Variants in CCDC47 observed in about 807,000 individuals in gnomAD.
The protein encoded by CCDC47 is coiled-coil domain containing 47.
CCDC47 carries 41 observed loss-of-function variants against 60.5 expected under a neutral mutation model. That is an observed-to-expected ratio of 0.68 (90% CI 0.53 to 0.88). CCDC47 has a LOEUF of 0.88. Among genes scored for constraint, CCDC47 ranks in the 40% least tolerant of loss-of-function variants. The pLI is 0.00. For synonymous variants in CCDC47, 195 were observed against 190.7 expected, an observed-to-expected ratio of 1.02 and a Z score of -0.18; for missense variants, 513 against 580.9, an observed-to-expected ratio of 0.88 and a Z score of 1.20.
intron 1 of CCDC47, among the ~76,000 whole-genome samples, chr17:63,771,060 G>GAAAGAAAGAAAT (rs1355454890): frequency 2.7e-5 from 4 of 149,294 alleles, no homozygotes; most frequent in South Asian, 2.1e-4. Flanking sequence ...AAGAAAGAAA[G>GAAAGAAAGAAAT]AAATTAAATG....
intron 1 of CCDC47, among the ~76,000 whole-genome samples, chr17:63,770,293 T>G (rs2039328378): frequency 2.6e-5 from 4 of 151,656 alleles, no homozygotes; most frequent in Admixed American, 2.6e-4. Context: ...TTTTCTGTAG[T>G]GTACTTTTGT....
chr17:63,747,635 C>A (rs2039130765), intron 12 of CCDC47: 1 of 985,290 alleles, frequency 1.0e-6, no homozygotes, highest in Non-Finnish European at 1.2e-6. Context: ...AGTGGTCACA[C>A]CTGATTAAAA....
chr17:63,752,490 C>G (rs562551644), intron 10 of CCDC47, 61 bp from the exon 11 acceptor site: 6 of 1,183,412 alleles, frequency 5.1e-6, no homozygotes, highest in Non-Finnish European at 7.2e-6. Context: ...TCCAGGTCAC[C>G]CAACTCTTTT....
intron 4 of CCDC47, chr17:63,762,070 T>C: frequency 1.0e-6 from 1 of 983,334 alleles, no homozygotes; most frequent in South Asian, 4.7e-5. Context: ...GAATTAACTT[T>C]AACCAAGCTT....
intron 12 of CCDC47, among the ~76,000 whole-genome samples, chr17:63,750,590 CTTT>C (rs71155982): frequency 2.1e-5 from 3 of 145,868 alleles, no homozygotes; most frequent in Non-Finnish European, 3.0e-5. Flanking sequence ...TGTCCTCTCC[CTTT>C]TTTTTTTTTG....
At chr17:63,763,929 C>T in intron 4 of CCDC47, 87 bp downstream of exon 4, 1 of 951,502 alleles carries the variant, frequency 1.1e-6, no homozygotes, top group Non-Finnish European at 1.4e-6. Flanking sequence ...TCCATGAAAG[C>T]AGTTAGATGC....
chr17:63,760,225 T>A (rs1340000088), intron 6 of CCDC47, among the ~76,000 whole-genome samples: 2 of 151,438 alleles, frequency 1.3e-5, no homozygotes, highest in Non-Finnish European at 1.5e-5. Flanking sequence ...AACGTATTAT[T>A]TGAAGCAAAA....
rs1207193208 is a variant in CCDC47, at chr17:63,764,904, T to C, written c.265-57A>G. On this transcript the variant is annotated intron_variant, in intron 2 of 12. Coordinates refer to ENST00000225726, the MANE Select transcript of CCDC47 (RefSeq NM_020198.3). Reference sequence around the variant, plus strand: ...TACAAATGTCACCAGCAGCTGTGTCTCATTTTGTTGGCAACATTTGTTGGG... The same window carrying C: ...TACAAATGTCACCAGCAGCTGTGTCCCATTTTGTTGGCAACATTTGTTGGG... The C allele has an allele frequency of 1.9e-6, 3 of 1,564,512 alleles. No homozygotes were observed. In the East Asian group the frequency reaches 7.0e-5, roughly 37 times the overall value.
chr17:63,766,769 C>T, intron 1 of CCDC47: 1 of 936,044 alleles, frequency 1.1e-6, no homozygotes, highest in Non-Finnish European at 1.3e-6. Context: ...AAACTCTGTC[C>T]ATTTACATAG....
intron 1 of CCDC47, among the ~76,000 whole-genome samples, chr17:63,770,605 T>C (rs2039330936): frequency 6.6e-6 from 1 of 152,212 alleles, no homozygotes; most frequent in Admixed American, 6.5e-5. Flanking sequence ...AAATCTCATT[T>C]ATAGCACTGA....
At chr17:63,763,980 C>A in intron 4 of CCDC47, 36 bp downstream of exon 4, 1 of 1,535,750 alleles carries the variant, frequency 6.5e-7, no homozygotes, top group Non-Finnish European at 8.7e-7. Context: ...AGATTGTTTT[C>A]AAGCAAGAAG....
rs754553354 is a variant in CCDC47 at position 63,764,014 on chromosome 17, AC to A, written c.547+1del. 2.5e-6 allele frequency: 4 copies of A among 1,585,114 alleles called. No homozygotes were observed. Among genetic ancestry groups the A allele is most frequent in the Non-Finnish European group, 1.7e-6 (2 of 1,169,930 alleles). ...AGCTGGGCTGACATTGGCCTCACTT[AC>A]CCACTAAAGTAAAGTTGCTCTCCAA... On this transcript the variant is annotated splice_donor_variant, in intron 4 of 12. Coordinates refer to ENST00000225726, the MANE Select transcript of CCDC47 (RefSeq NM_020198.3). LOFTEE classifies it high-confidence loss of function.
intron 8 of CCDC47, chr17:63,755,161 C>G (rs2039196184): frequency 3.7e-6 from 1 of 273,284 alleles, no homozygotes; most frequent in African/African-American, 2.3e-5. Flanking sequence ...GAGACAGGGT[C>G]TCACTATGTT....
chr17:63,763,201 G>A (rs560400937), intron 4 of CCDC47, among the ~76,000 whole-genome samples: 39 of 151,972 alleles, frequency 2.6e-4, no homozygotes, highest in Non-Finnish European at 4.6e-4. Context: ...GGAATTACAC[G>A]TGTGAGCCAC....
At chr17:63,767,383 A>G (rs1358056660) in intron 1 of CCDC47, among the ~76,000 whole-genome samples, 1 of 152,222 alleles carries the variant, frequency 6.6e-6, no homozygotes, top group Non-Finnish European at 1.5e-5. Context: ...AAATATAATG[A>G]TATCATATCT....
At chr17:63,761,208 G>A (rs767750635) in intron 5 of CCDC47, 22 bp downstream of exon 5, 12 of 1,613,720 alleles carry the variant, frequency 7.4e-6, no homozygotes, top group South Asian at 5.5e-5. Context: ...GATATATATC[G>A]TACAAGAAGT....
chr17:63,762,249 G>A, intron 4 of CCDC47: 2 of 985,318 alleles, frequency 2.0e-6, no homozygotes, highest in African/African-American at 3.5e-5. Context: ...TACACCAAAT[G>A]AAAACAAGCA....
intron 6 of CCDC47, among the ~76,000 whole-genome samples, chr17:63,759,582 A>C (rs2039240834): frequency 8.8e-6 from 1 of 113,480 alleles, no homozygotes; most frequent in Non-Finnish European, 1.8e-5. Context: ...TATATAAAAC[A>C]ATGATTTTCA....
At chr17:63,765,135 C>CACACACACAT (rs1470667990) in intron 2 of CCDC47, 2 of 166,926 alleles carry the variant, frequency 1.2e-5, no homozygotes, top group African/African-American at 4.8e-5. Flanking sequence ...CACACACACA[C>CACACACACAT]ACACACACAC....
Sources: allele counts gnomAD v4.1 joint callset (sites outside exome capture counted in the v4.1 genomes callset), GRCh38; gene constraint gnomAD v4.1.1; transcripts MANE v1.5; gene names NCBI Gene and HGNC (gene_info 2026-07-23, HGNC 2026-07-21).